The following SCAF8 variants were observed in gnomAD, a reference collection of about 807,000 sequenced individuals.
SCAF8 encodes SR-related CTD associated factor 8.
Under a neutral mutation model 140.5 loss-of-function variants are expected in SCAF8, and 23 were observed. That is an observed-to-expected ratio of 0.16 (90% CI 0.12 to 0.23). The LOEUF is 0.23. SCAF8 is among the 10% of genes least tolerant of loss of function. SCAF8 has a pLI of 1.00. For synonymous variants in SCAF8, 575 were observed against 528.9 expected, an observed-to-expected ratio of 1.09 and a Z score of -1.20; for missense variants, 1,397 against 1,555.7, an observed-to-expected ratio of 0.90 and a Z score of 1.72.
At position 154,741,702 on chromosome 6, in the gene SCAF8, C is replaced by T. The variant is rs376006903; in HGVS notation, c.30+7772C>T. On this transcript the variant is annotated intron_variant, in intron 1 of 19. Coordinates refer to ENST00000367178, the MANE Select transcript of SCAF8 (RefSeq NM_014892.5). ...GATTACAGGTGTGAGCCACCGCGCC[C>T]GGCCCGTTTGCATCTTTTTCAGAAG... is the stretch of plus-strand genomic sequence containing the variant. 2.3e-4 allele frequency among the ~76,000 whole-genome samples: 35 copies of T among 152,216 alleles called. 1 individual carries two copies. The highest frequency in any genetic ancestry group is 3.4e-3 in the Middle Eastern group (1 of 294).
intron 12 of SCAF8, among the ~76,000 whole-genome samples, chr6:154,811,624 G>A (rs996507488): frequency 6.6e-6 from 1 of 151,888 alleles, no homozygotes; most frequent in African/African-American, 2.4e-5. Flanking sequence ...TACTATGTTG[G>A]TTTGCTGCAC....
intron 14 of SCAF8, among the ~76,000 whole-genome samples, chr6:154,819,941 A>C (rs1778363922): frequency 6.6e-6 from 1 of 151,942 alleles, no homozygotes; most frequent in African/African-American, 2.4e-5. Flanking sequence ...GTGAACCATG[A>C]TCATGCCACT....
intron 12 of SCAF8, among the ~76,000 whole-genome samples, chr6:154,812,867 T>C (rs1256356748): frequency 1.3e-5 from 2 of 151,822 alleles, no homozygotes; most frequent in Non-Finnish European, 2.9e-5. Context: ...TTCAGGGAGA[T>C]TAAGGCAGCT....
At position 154,733,862 on chromosome 6, in the gene SCAF8, C is replaced by T. The variant is rs958149453; in HGVS notation, c.-39C>T. 4 of 1,542,372 alleles carry T rather than the reference C, an allele frequency of 2.6e-6. No individual in the cohort carries two copies. The highest frequency in any genetic ancestry group is 1.4e-5 in the African/African-American group (1 of 69,754). On this transcript the variant is annotated 5_prime_UTR_variant, in exon 1 of 20. Coordinates refer to ENST00000367178, the MANE Select transcript of SCAF8 (RefSeq NM_014892.5). Reference sequence around the variant, plus strand: ...CCCCACCCAGTGCAGTGGCCGCCGCCTCTTCCGCCGCCGGGCTCGGGGCCT... The same window carrying T: ...CCCCACCCAGTGCAGTGGCCGCCGCTTCTTCCGCCGCCGGGCTCGGGGCCT...
intron 18 of SCAF8, among the ~76,000 whole-genome samples, chr6:154,827,751 C>T (rs984386503): frequency 2.1e-5 from 3 of 141,588 alleles, no homozygotes; most frequent in Non-Finnish European, 4.6e-5. Flanking sequence ...AAGCAAAATG[C>T]TGTAGGATTG....
intron 1 of SCAF8, among the ~76,000 whole-genome samples, chr6:154,756,550 T>G (rs1407987511): frequency 6.6e-6 from 1 of 152,226 alleles, no homozygotes; most frequent in African/African-American, 2.4e-5. Context: ...CAGTTGAATT[T>G]GGTTTTGTAT....
At position 154,821,968 on chromosome 6, in the gene SCAF8, C is replaced by T. The variant is rs191073087; in HGVS notation, c.1793-308C>T. ...GTATTTTGTGATAAAAAATTGAGTA[C>T]GGTTAGTTCCTCTTACATCAGCCAG... On this transcript the variant is annotated intron_variant, in intron 15 of 19. Transcript: ENST00000367178. 2.0e-3 allele frequency among the ~76,000 whole-genome samples: 300 copies of T among 152,232 alleles called. 1 individual carries two copies. Among genetic ancestry groups the T allele is most frequent in the African/African-American group, 6.7e-3 (280 of 41,544 alleles).
Position 154,754,538 on chromosome 6 carries a change from A to G in SCAF8, c.31-19451A>G, listed in dbSNP as rs529714878. ...TAATTTTATACGTTTATAAAACGAG[A>G]ATAGTAAATATCAATCTTATCAGGC... is the stretch of plus-strand genomic sequence containing the variant. On this transcript the variant is annotated intron_variant, in intron 1 of 19. Transcript: ENST00000367178. Among the ~76,000 whole-genome samples, 11 of 152,378 alleles carry G rather than the reference A, an allele frequency of 7.2e-5. No homozygotes were observed. The South Asian group carries it at 2.1e-3, about 29-fold the overall frequency.
intron 3 of SCAF8, among the ~76,000 whole-genome samples, chr6:154,786,377 A>G (rs1272943679): frequency 6.6e-6 from 1 of 152,248 alleles, no homozygotes; most frequent in Non-Finnish European, 1.5e-5. Flanking sequence ...CTGATCTTTT[A>G]AGATAGTGAT....
chr6:154,736,926 G>C (rs1004421421), intron 1 of SCAF8, among the ~76,000 whole-genome samples: 2 of 152,140 alleles, frequency 1.3e-5, no homozygotes, highest in African/African-American at 4.8e-5. Context: ...GAGTCAGGGA[G>C]TTGAGGAAGG....
chr6:154,792,775 A>G, intron 4 of SCAF8, 48 bp from the exon 5 acceptor site: 2 of 1,374,364 alleles, frequency 1.5e-6, no homozygotes, highest in Non-Finnish European at 2.0e-6. Flanking sequence ...GACTGTACTA[A>G]GGTTTTGAGA....
chr6:154,826,097 G>T (rs1478228465), intron 17 of SCAF8, among the ~76,000 whole-genome samples: 1 of 152,096 alleles, frequency 6.6e-6, no homozygotes, highest in Non-Finnish European at 1.5e-5. Context: ...TTTGAGAATG[G>T]TTGTAATTTA....
chr6:154,733,733 T>G lies in SCAF8; in HGVS notation c.-168T>G. The G allele has an allele frequency of 7.5e-7, 1 of 1,327,010 alleles. No homozygotes were observed. The highest frequency in any genetic ancestry group is 2.0e-5 in the South Asian group (1 of 49,950). 82.2% of individuals were successfully genotyped at this position (1,327,010 alleles called of 1,614,324 possible). ...GCCGCTCTGCCGCTGAGGGAGCCCT[T>G]CCCCGCCAGCGCGTGCCCTTCCACT... On this transcript the variant is annotated 5_prime_UTR_variant, in exon 1 of 20. Coordinates refer to ENST00000367178, the MANE Select transcript of SCAF8 (RefSeq NM_014892.5).
chr6:154,745,002 A>G (rs778879132), intron 1 of SCAF8, among the ~76,000 whole-genome samples: 22 of 152,356 alleles, frequency 1.4e-4, no homozygotes, highest in Non-Finnish European at 2.5e-4. Flanking sequence ...ACAATGATCA[A>G]AATCAAGAAA....
At chr6:154,827,089 T>C (rs1440253075) in intron 17 of SCAF8, 83 bp from the exon 18 acceptor site, 2 of 1,124,714 alleles carry the variant, frequency 1.8e-6, no homozygotes, top group Non-Finnish European at 2.6e-6. Flanking sequence ...GAATATGAAG[T>C]TTCATTTGTA....
chr6:154,821,167 C>T (rs1401050909), intron 15 of SCAF8, among the ~76,000 whole-genome samples: 1 of 152,076 alleles, frequency 6.6e-6, no homozygotes, highest in East Asian at 1.9e-4. Context: ...GGCAGTGAGA[C>T]AAATAGACAA....
At chr6:154,736,876 C>T (rs1451512914) in intron 1 of SCAF8, among the ~76,000 whole-genome samples, 1 of 152,096 alleles carries the variant, frequency 6.6e-6, no homozygotes, top group East Asian at 1.9e-4. Context: ...TCTAACTTCA[C>T]CGTGTTTCAA....
In SCAF8 at chr6:154,765,540, G is replaced by A. The variant is rs181965040; in HGVS notation, c.31-8449G>A. Among the ~76,000 whole-genome samples, 1,064 of 152,322 alleles carry A rather than the reference G, an allele frequency of 7.0e-3. 6 individuals are homozygous for A. The highest frequency in any genetic ancestry group is 0.011 in the Non-Finnish European group (744 of 68,028). ...AAATATAGCAGAGAAGTAGATGTCA[G>A]TAGACATTTGAAATGTGTGTTCAGA... On this transcript the variant is annotated intron_variant, in intron 1 of 19. Transcript: ENST00000367178.
chr6:154,742,640 A>G (rs932213510), intron 1 of SCAF8, among the ~76,000 whole-genome samples: 22 of 152,178 alleles, frequency 1.4e-4, no homozygotes, highest in Admixed American at 3.9e-4. Context: ...TTTGTTTTAT[A>G]AGAGTTTCTG....
Sources: gnomAD v4.1 joint callset for allele counts (sites outside exome capture counted in the v4.1 genomes callset) on GRCh38, gnomAD v4.1.1 for gene constraint, MANE v1.5 for transcripts, NCBI Gene and HGNC (gene_info 2026-07-23, HGNC 2026-07-21) for gene names.